Variants in TSC2 observed in about 807,000 individuals in gnomAD.
TSC2 encodes the protein TSC complex subunit 2.
A neutral mutation model predicts 202.2 loss-of-function variants in TSC2; 29 were observed. The ratio of observed to expected loss-of-function variants is 0.14; its 90% CI spans 0.11 to 0.20. The LOEUF is 0.20. Among genes scored for constraint, TSC2 ranks in the 10% least tolerant of loss-of-function variants. The probability of loss-of-function intolerance (pLI) is 1.00; values close to 1 mark genes in which losing one functional copy is unlikely to be tolerated. For missense variants in TSC2, 2,429 were observed against 2,420.0 expected (o/e 1.00, Z -0.08); for synonymous variants, 1,349 against 1,044.0 (o/e 1.29, Z -5.63).
rs1387745883 is a variant in TSC2 at position 2,074,703 on chromosome 16, G to A, written c.2545+314G>A. 2.0e-5 allele frequency: 9 copies of A among 448,638 alleles called. No individual in the cohort carries two copies. The East Asian group carries it at 3.5e-4, about 17-fold the overall frequency. The allele number at this position is 448,638 out of a possible 1,614,324, so 27.8% of individuals were successfully genotyped here. ...ACAGAGCACACGCCGCTTCAGGGGG[G>A]CTTTGTTCGCTTCCCCCAGACTGTG... On this transcript the variant is annotated intron_variant, in intron 22 of 41. Coordinates refer to ENST00000219476, the MANE Select transcript of TSC2 (RefSeq NM_000548.5).
rs2151350426 is a variant in TSC2, at chr16:2,074,273, T to C, written c.2429T>C (p.Ile810Thr). The C allele has an allele frequency of 6.2e-7, 1 of 1,613,156 alleles. No homozygotes were observed. Among genetic ancestry groups the C allele is most frequent in the South Asian group, 1.1e-5 (1 of 91,076 alleles). ...AGCCAGTGCGTCGTGGCCTTGTCCA[T>C]CTGCAGCGTGGAGATGCCTGACATC... ...CASQCVVALSICSVEMPDIII... is the reference protein window; with the variant it reads ...CASQCVVALSTCSVEMPDIII... Residue 810 changes from isoleucine to threonine, a missense_variant, in exon 22 of 42, where the codon ATC (isoleucine) becomes ACC (threonine). Ile to Thr is a moderately conservative substitution (Grantham distance 89). Transcript: ENST00000219476.
chr16:2,086,990 A>G, intron 38 of TSC2, 119 bp downstream of exon 38: 2 of 1,459,250 alleles, frequency 1.4e-6, no homozygotes, highest in Non-Finnish European at 1.9e-6. Flanking sequence ...GAGAGGCCGC[A>G]GTGCTCAGGG....
At chr16:2,058,135 C>A (rs2086126471) in intron 9 of TSC2, among the ~76,000 whole-genome samples, 1 of 148,704 alleles carries the variant, frequency 6.7e-6, no homozygotes, top group African/African-American at 2.5e-5. Context: ...GCCCCTGCAT[C>A]TCTCCCTCCC....
chr16:2,081,456 G>A lies in TSC2; in HGVS notation c.3611-139G>A, dbSNP rs1317907582. On this transcript the variant is annotated intron_variant, in intron 30 of 41. Transcript: ENST00000219476. ...GTGGGTGGCCGTCAGAGCAGCGCTGGCTCCGACATCGTGGTCCTGAGGATT... is the reference window on the plus strand; with the variant it reads ...GTGGGTGGCCGTCAGAGCAGCGCTGACTCCGACATCGTGGTCCTGAGGATT... The A allele has an allele frequency of 6.1e-6, 7 of 1,140,502 alleles. No individual in the cohort carries two copies. The South Asian group carries it at 7.5e-5, about 12-fold the overall frequency. 70.6% of individuals were successfully genotyped at this position (1,140,502 alleles called of 1,614,324 possible).
In TSC2 at chr16:2,062,707, C is replaced by T. The variant is rs1396776497; in HGVS notation, c.1361+107C>T. The T allele has an allele frequency of 4.1e-5, 51 of 1,236,896 alleles. No individual in the cohort carries two copies. The East Asian group carries it at 1.2e-3, about 30-fold the overall frequency. 76.6% of individuals were successfully genotyped at this position (1,236,896 alleles called of 1,614,324 possible). On this transcript the variant is annotated intron_variant, in intron 13 of 41. Transcript: ENST00000219476. ...GATGCCCGATGAGCAGGGCCCTCCC[C>T]TCTGCCTCTGGAGAGCCCTGGCTCT...
intron 22 of TSC2, 44 bp from the exon 23 acceptor site, chr16:2,075,755 G>A (rs2151378796): frequency 3.1e-6 from 5 of 1,598,994 alleles, no homozygotes; most frequent in East Asian, 2.2e-5. Context: ...CAGAGGCGCT[G>A]CACGGGACCC....
rs45469702 is a variant in TSC2 at position 2,065,530 on chromosome 16, C to T, written c.1611C>T (p.Arg537=). Residue 537 remains arginine (R), a synonymous_variant, in exon 16 of 42, where the codon CGC becomes CGT. Transcript: ENST00000219476. ...LLDIIEKVMA[R]SLSPPPELEE... is the part of the protein sequence containing the mutation. ...CCTTCTCTTCAAAGGTGATGGCCCG[C>T]TCCCTCTCCCCACCCCCGGAGCTGG... 6.2e-7 allele frequency: 1 copy of T among 1,613,700 alleles called. No homozygotes were observed. The highest frequency in any genetic ancestry group is 8.5e-7 in the Non-Finnish European group (1 of 1,179,944).
chr16:2,085,425 C>T (rs764940885), intron 36 of TSC2, 103 bp downstream of exon 36: 2 of 1,230,456 alleles, frequency 1.6e-6, no homozygotes, highest in Admixed American at 1.9e-5. Context: ...GAGCTCAACA[C>T]TGCCGGGTCC....
chr16:2,075,660 G>A (rs1242742207), intron 22 of TSC2, 139 bp from the exon 23 acceptor site: 17 of 869,766 alleles, frequency 2.0e-5, no homozygotes, highest in South Asian at 2.9e-5. Flanking sequence ...GGCCAGGGTC[G>A]GGAAAGCCAC....
chr16:2,072,931 C>T lies in TSC2; in HGVS notation c.2303C>T (p.Pro768Leu), dbSNP rs1555506977. ...ACTGACTTGCACCTGGCCGTGGTTC[C>T]AGTGCTGACAGCATTAATCTCTTAC... ...SRTDLHLAVV[P>L]VLTALISYHN... The change falls in exon 21 of 42, where the codon CCA becomes CTA. Residue 768 changes from proline to leucine, a missense_variant. Physicochemically the swap from Pro to Leu is moderately conservative, Grantham distance 98. Coordinates refer to ENST00000219476, the MANE Select transcript of TSC2 (RefSeq NM_000548.5). The T allele has an allele frequency of 6.2e-7, 1 of 1,613,624 alleles. No homozygotes were observed. Among genetic ancestry groups the T allele is most frequent in the Non-Finnish European group, 8.5e-7 (1 of 1,180,040 alleles).
Position 2,074,290 on chromosome 16 carries a change from C to T in TSC2, c.2446C>T (p.Pro816Ser), listed in dbSNP as rs760265207. The change falls in exon 22 of 42, where the codon CCT (proline) becomes TCT (serine). Residue 816 changes from proline to serine, a missense_variant. Coordinates refer to ENST00000219476, the MANE Select transcript of TSC2 (RefSeq NM_000548.5). ...VALSICSVEM[P>S]DIIIKALPVL... ...CTTGTCCATCTGCAGCGTGGAGATG[C>T]CTGACATCATCATCAAGGCGCTGCC... 3 of 1,613,162 alleles carry T rather than the reference C, an allele frequency of 1.9e-6. No homozygotes were observed. Among genetic ancestry groups the T allele is most frequent in the Non-Finnish European group, 2.5e-6 (3 of 1,180,028 alleles).
At chr16:2,076,353 T>C in intron 24 of TSC2, 138 bp from the exon 25 acceptor site, 2 of 1,571,282 alleles carry the variant, frequency 1.3e-6, no homozygotes, top group Non-Finnish European at 1.7e-6. Flanking sequence ...CGGCAGGCAT[T>C]GAGGGGTGGG....
At position 2,051,092 on chromosome 16, in the gene TSC2, G is replaced by A. The variant is rs554213356; in HGVS notation, c.225+606G>A. On this transcript the variant is annotated intron_variant, in intron 3 of 41. Coordinates refer to ENST00000219476, the MANE Select transcript of TSC2 (RefSeq NM_000548.5). ...TGTAATCCTAGGACTTTGGGAGGCC[G>A]AGGTGGGTGGATCACGAGGTCAGGA... 4.1e-4 allele frequency among the ~76,000 whole-genome samples: 62 copies of A among 151,800 alleles called. 1 individual carries two copies. Among genetic ancestry groups the A allele is most frequent in the Middle Eastern group, 3.4e-3 (1 of 294 alleles).
Position 2,058,738 on chromosome 16 carries a change from C to T in TSC2, c.849-9C>T, listed in dbSNP as rs1353108408. 1 of 1,576,050 alleles carries T rather than the reference C, an allele frequency of 6.3e-7. No individual in the cohort carries two copies. Among genetic ancestry groups the T allele is most frequent in the South Asian group, 1.2e-5 (1 of 86,182 alleles). On this transcript the variant is annotated splice_polypyrimidine_tract_variant and intron_variant, in intron 9 of 41. Coordinates refer to ENST00000219476, the MANE Select transcript of TSC2 (RefSeq NM_000548.5). ...GCTCACATTCCGTCTCTCTGGGGAA[C>T]ACTTTTAGAGCCTACATGGAGGACG...
rs778509364 is a variant in TSC2 at position 2,048,649 on chromosome 16, AAGG to A, written c.37_39del (p.Glu13del). On this transcript the variant is annotated inframe_deletion, in exon 2 of 42. Coordinates refer to ENST00000219476, the MANE Select transcript of TSC2 (RefSeq NM_000548.5). ...ACCAACAAGCAAAGATTCAGGCTTG[AAGG>A]AGAAGTTTAAGATTCTGTTGGGACT... The A allele has an allele frequency of 1.2e-6, 2 of 1,613,822 alleles. No homozygotes were observed. Among genetic ancestry groups the A allele is most frequent in the South Asian group, 1.1e-5 (1 of 91,086 alleles).
intron 2 of TSC2, among the ~76,000 whole-genome samples, chr16:2,050,189 T>G (rs2084927865): frequency 6.6e-6 from 1 of 152,126 alleles, no homozygotes; most frequent in Non-Finnish European, 1.5e-5. Flanking sequence ...ACTCCTGACC[T>G]CTGGTGATCC....
rs1596399469 is a variant in TSC2, at chr16:2,081,587, C to T, written c.3611-8C>T. 1.2e-6 allele frequency: 2 copies of T among 1,612,884 alleles called. No homozygotes were observed. The highest frequency in any genetic ancestry group is 1.7e-6 in the Non-Finnish European group (2 of 1,179,990). On this transcript the variant is annotated splice_region_variant and splice_polypyrimidine_tract_variant and intron_variant, in intron 30 of 41. Coordinates refer to ENST00000219476, the MANE Select transcript of TSC2 (RefSeq NM_000548.5). ...GGCCTCAGGCCAAAGGTGCTGCCGC[C>T]TCCGCAGGGAACACCAGCTGGCTGA...
At chr16:2,078,834 C>T (rs2089753261) in intron 26 of TSC2, 198 bp from the exon 27 acceptor site, 1 of 674,580 alleles carries the variant, frequency 1.5e-6, no homozygotes, top group Non-Finnish European at 2.6e-6. Flanking sequence ...GTCTTCCCCA[C>T]CCAGCGTCTC....
intron 6 of TSC2, 43 bp from the exon 7 acceptor site, chr16:2,056,153 A>G (rs377733757): frequency 6.2e-7 from 1 of 1,611,922 alleles, no homozygotes; most frequent in Admixed American, 1.7e-5. Flanking sequence ...TGGCTCGGCC[A>G]TCCAGGCAGT....
Sources: gnomAD v4.1 joint callset for allele counts (sites outside exome capture counted in the v4.1 genomes callset) on GRCh38, gnomAD v4.1.1 for gene constraint, MANE v1.5 for transcripts, NCBI Gene and HGNC (gene_info 2026-07-23, HGNC 2026-07-21) for gene names.